Variants in METTL15 observed in about 807,000 individuals in gnomAD.
METTL15 encodes the protein methyltransferase 15, mitochondrial 12S rRNA N4-cytidine.
In METTL15, 34 loss-of-function variants were observed where a neutral mutation model predicts 38.3. The ratio of observed to expected loss-of-function variants is 0.89; its 90% CI spans 0.68 to 1.18. The LOEUF (loss-of-function observed/expected upper bound fraction) is 1.18, where lower values mean the gene tolerates loss of function less well. METTL15 is among the 50% of genes most tolerant of loss of function. The probability of loss-of-function intolerance (pLI) is 0.00; values close to 1 mark genes in which losing one functional copy is unlikely to be tolerated. For missense variants in METTL15, 438 were observed against 498.4 expected (o/e 0.88, Z 1.15); for synonymous variants, 162 against 170.9 (o/e 0.95, Z 0.41).
At chr11:28,368,127 G>GAAAAAAAAA in intron 5 of METTL15, among the ~76,000 whole-genome samples, 1 of 49,852 alleles carries the variant, frequency 2.0e-5, no homozygotes, top group Non-Finnish European at 4.3e-5. Flanking sequence ...CTTCTGCATA[G>GAAAAAAAAA]CAAAAAAAAA....
At chr11:28,117,207 A>G (rs932655483) in intron 3 of METTL15, among the ~76,000 whole-genome samples, 2 of 149,888 alleles carry the variant, frequency 1.3e-5, no homozygotes, top group Non-Finnish European at 3.0e-5. Context: ...GTGTGTATAT[A>G]TACATACATA....
intron 4 of METTL15, among the ~76,000 whole-genome samples, chr11:28,282,166 T>C (rs1198507115): frequency 1.3e-5 from 2 of 152,192 alleles, no homozygotes; most frequent in Non-Finnish European, 2.9e-5. Flanking sequence ...AACATGCTAC[T>C]CTCTCCCAGA....
intron 3 of METTL15, among the ~76,000 whole-genome samples, chr11:28,146,904 TTAAAA>T (rs1229547118): frequency 1.1e-4 from 16 of 151,942 alleles, no homozygotes; most frequent in Admixed American, 6.6e-4. Flanking sequence ...TCATATTTGT[TTAAAA>T]TAAAGTATTT....
intron 6 of METTL15, among the ~76,000 whole-genome samples, chr11:28,321,438 T>C (rs1168041885): frequency 6.6e-6 from 1 of 152,154 alleles, no homozygotes; most frequent in Non-Finnish European, 1.5e-5. Context: ...TGCTTTTTCA[T>C]AGGAGTGATT....
chr11:28,292,124 T>C lies in METTL15; in HGVS notation c.599+1727T>C, dbSNP rs996584336. On this transcript the variant is annotated intron_variant, in intron 5 of 6. Transcript: ENST00000407364. ...GCACAACATGCAGGTTAGTTACATA[T>C]GTATACATGTGCCATGGTGGTGTGA... Among the ~76,000 whole-genome samples, 4 of 151,890 alleles carry C rather than the reference T, an allele frequency of 2.6e-5. No homozygotes were observed. The East Asian group carries it at 7.8e-4, about 30-fold the overall frequency.
At chr11:28,508,435 C>T (rs551612042) in intron 6 of METTL15, among the ~76,000 whole-genome samples, 2 of 152,178 alleles carry the variant, frequency 1.3e-5, no homozygotes, top group Non-Finnish European at 2.9e-5. Context: ...AATTTATCAA[C>T]ACCATCACTA....
intron 4 of METTL15, among the ~76,000 whole-genome samples, chr11:28,220,040 G>A (rs939493253): frequency 1.3e-5 from 2 of 152,186 alleles, no homozygotes; most frequent in African/African-American, 4.8e-5. Flanking sequence ...ATATTCTGTT[G>A]ATTTGGGGTA....
chr11:28,276,346 T>C (rs918648533), intron 4 of METTL15, among the ~76,000 whole-genome samples: 5 of 151,968 alleles, frequency 3.3e-5, no homozygotes, highest in African/African-American at 1.2e-4. Context: ...CCACTTACAA[T>C]AGCTATAAAA....
At chr11:28,393,973 T>G (rs1850540940) in intron 5 of METTL15, among the ~76,000 whole-genome samples, 1 of 43,378 alleles carries the variant, frequency 2.3e-5, no homozygotes, top group Non-Finnish European at 5.0e-5. Flanking sequence ...AAAATATGTA[T>G]GTGTGTGTAT....
chr11:28,230,620 T>TATTAAAACTCAGTGAAAACA (rs1271574403), intron 4 of METTL15, among the ~76,000 whole-genome samples: 1 of 151,956 alleles, frequency 6.6e-6, no homozygotes, highest in Non-Finnish European at 1.5e-5. Context: ...GCTTCTGAGT[T>TATTAAAACTCAGTGAAAACA]ATTAAAAGAG....
rs149441610 is a variant in METTL15, at chr11:28,434,889, T to G, written c.*424+10525T>G. On this transcript the variant is annotated intron_variant and NMD_transcript_variant, in intron 6 of 7. Transcript: ENST00000532947. Reference sequence around the variant, plus strand: ...CATTCCCTTCAGCAGGCTAGCCTGGTAGGTTCTCATGGTAGTGGCAGGAAT... The same window carrying G: ...CATTCCCTTCAGCAGGCTAGCCTGGGAGGTTCTCATGGTAGTGGCAGGAAT... Among the ~76,000 whole-genome samples the G allele has an allele frequency of 2.4e-3, 358 of 152,300 alleles. 1 individual carries two copies. Among genetic ancestry groups the G allele is most frequent in the African/African-American group, 7.2e-3 (299 of 41,572 alleles).
At chr11:28,210,200 A>C (rs1489330988) in intron 3 of METTL15, among the ~76,000 whole-genome samples, 1 of 152,008 alleles carries the variant, frequency 6.6e-6, no homozygotes, top group African/African-American at 2.4e-5. Flanking sequence ...GTATATCTGG[A>C]ATGAGCCAAG....
rs147741007 is a variant in METTL15 at position 28,407,891 on chromosome 11, G to A, written c.*359-16408G>A. ...CTGCAGCACTATTTACAATAGCAAA[G>A]ACATGAAATCACACAAATGCCCATA... On this transcript the variant is annotated intron_variant and NMD_transcript_variant, in intron 5 of 7. Transcript: ENST00000532947. Among the ~76,000 whole-genome samples the A allele has an allele frequency of 1.3e-4, 20 of 152,160 alleles. No individual in the cohort carries two copies. The East Asian group carries it at 3.9e-3, about 29-fold the overall frequency.
At chr11:28,361,615 A>C (rs1184502507) in intron 4 of METTL15, among the ~76,000 whole-genome samples, 1 of 152,164 alleles carries the variant, frequency 6.6e-6, no homozygotes, top group Non-Finnish European at 1.5e-5. Context: ...TAATAAATAT[A>C]CTACCTGAAA....
chr11:28,305,591 T>C (rs568236758), intron 6 of METTL15, among the ~76,000 whole-genome samples: 6 of 152,268 alleles, frequency 3.9e-5, no homozygotes, highest in African/African-American at 1.2e-4. Context: ...ATTATAACAC[T>C]GTTCTAGATC....
intron 4 of METTL15, among the ~76,000 whole-genome samples, chr11:28,289,065 TA>T (rs1194543755): frequency 6.6e-6 from 1 of 152,168 alleles, no homozygotes; most frequent in African/African-American, 2.4e-5. Context: ...TGCCTTTCAA[TA>T]GCAAGATTCT....
chr11:28,196,186 T>C (rs760671468), intron 3 of METTL15, among the ~76,000 whole-genome samples: 3 of 152,108 alleles, frequency 2.0e-5, no homozygotes, highest in African/African-American at 7.2e-5. Context: ...CTATTCGGGC[T>C]CTTTATTGGT....
In METTL15 at chr11:28,234,834, C is replaced by T. The variant is rs879470309; in HGVS notation, c.407+23636C>T. ...ATTAGATCCCATTTGTCAATTTTGG[C>T]TTTTGTTGCCATTGCTTTTGGTGTT... On this transcript the variant is annotated intron_variant, in intron 4 of 6. Coordinates refer to ENST00000407364, the MANE Select transcript of METTL15 (RefSeq NM_001113528.2). Among the ~76,000 whole-genome samples the T allele has an allele frequency of 8.6e-5, 12 of 139,670 alleles. No individual in the cohort carries two copies. In the East Asian group the frequency reaches 1.5e-3, roughly 18 times the overall value. 91.6% of individuals were successfully genotyped at this position (139,670 alleles called of 152,430 possible).
At chr11:28,390,743 T>A (rs1325426628) in intron 5 of METTL15, among the ~76,000 whole-genome samples, 1 of 152,058 alleles carries the variant, frequency 6.6e-6, no homozygotes, top group Non-Finnish European at 1.5e-5. Context: ...CACTTTAAAG[T>A]AGTTTTTTCC....
Sources: allele counts gnomAD v4.1 joint callset (sites outside exome capture counted in the v4.1 genomes callset), GRCh38; gene constraint gnomAD v4.1.1; transcripts MANE v1.5; gene names NCBI Gene and HGNC (gene_info 2026-07-23, HGNC 2026-07-21).